Variants in RORC observed in about 807,000 individuals in gnomAD.
RORC encodes the protein RAR related orphan receptor C, also known as nuclear receptor ROR-gamma.
A neutral mutation model predicts 64.5 loss-of-function variants in RORC; 13 were observed. The ratio of observed to expected loss-of-function variants is 0.20; its 90% CI spans 0.13 to 0.32. The LOEUF is 0.32. Ranked by LOEUF, RORC falls within the 10% of genes least tolerant of loss-of-function variation. The pLI is 1.00. For missense variants in RORC, 468 were observed against 669.5 expected, an observed-to-expected ratio of 0.70 and a Z score of 3.32; for synonymous variants, 277 against 259.3, an observed-to-expected ratio of 1.07 and a Z score of -0.65.
intron 10 of RORC, among the ~76,000 whole-genome samples, chr1:151,809,333 G>T (rs1227191992): frequency 6.6e-6 from 1 of 152,144 alleles, no homozygotes; most frequent in Non-Finnish European, 1.5e-5. Context: ...GGTGGAGGTT[G>T]CAGTGAGCCG....
intron 2 of RORC, among the ~76,000 whole-genome samples, chr1:151,820,507 C>T (rs906613450): frequency 6.6e-6 from 1 of 152,138 alleles, no homozygotes; most frequent in East Asian, 1.9e-4. Context: ...TCAGGAACCT[C>T]GAACCAGCCC....
At chr1:151,809,746 G>A (rs570139918) in intron 10 of RORC, among the ~76,000 whole-genome samples, 43 of 152,300 alleles carry the variant, frequency 2.8e-4, no homozygotes, top group African/African-American at 1.0e-3. Flanking sequence ...AGCACAGACC[G>A]TGTAAGTCAT....
chr1:151,827,667 C>T (rs960761591), intron 2 of RORC, among the ~76,000 whole-genome samples: 2 of 152,190 alleles, frequency 1.3e-5, no homozygotes, highest in Non-Finnish European at 2.9e-5. Context: ...TGCTGGGACT[C>T]CAGACCCTCT....
intron 2 of RORC, among the ~76,000 whole-genome samples, chr1:151,827,957 C>A (rs1170674221): frequency 6.6e-6 from 1 of 151,956 alleles, no homozygotes; most frequent in Non-Finnish European, 1.5e-5. Flanking sequence ...CCGTGACCCC[C>A]CTCCCCCAGC....
chr1:151,814,224 G>C (rs1400155355), intron 6 of RORC: 2 of 227,970 alleles, frequency 8.8e-6, no homozygotes, highest in Non-Finnish European at 1.7e-5. Context: ...ACAATGCCTG[G>C]CAGAGAAGGG....
intron 2 of RORC, among the ~76,000 whole-genome samples, chr1:151,821,725 G>A (rs574288468): frequency 6.6e-6 from 1 of 152,250 alleles, no homozygotes; most frequent in East Asian, 1.9e-4. Flanking sequence ...AGGATAAGAC[G>A]CCCAAATGCA....
intron 8 of RORC, 33 bp downstream of exon 8, chr1:151,813,206 G>T (rs1343353314): frequency 6.3e-7 from 1 of 1,589,828 alleles, no homozygotes; most frequent in Non-Finnish European, 8.6e-7. Context: ...GTTGGCATCA[G>T]AATCTTCCCT....
At position 151,814,960 on chromosome 1, in the gene RORC, C is replaced by A. The variant is rs1651698157; in HGVS notation, c.764G>T (p.Ser255Ile). ...GQGPDSYGSP[S>I]FRSTPEAPYA... Reference sequence around the variant, plus strand: ...GGGTGCCTCCGGTGTGCTGCGGAAACTGGGGCTGCCGTAGCTGTCTGGGCC... The same window carrying A: ...GGGTGCCTCCGGTGTGCTGCGGAAAATGGGGCTGCCGTAGCTGTCTGGGCC... The change falls in exon 5 of 11, where the codon AGT becomes ATT. Residue 255 changes from serine (S) to isoleucine (I), a missense_variant. Transcript: ENST00000318247. The A allele has an allele frequency of 7.4e-6, 12 of 1,614,018 alleles. No individual in the cohort carries two copies. The highest frequency in any genetic ancestry group is 1.7e-5 in the Admixed American group (1 of 60,004).
At chr1:151,808,469 C>A (rs575842497) in intron 10 of RORC, among the ~76,000 whole-genome samples, 34 of 152,212 alleles carry the variant, frequency 2.2e-4, no homozygotes, top group South Asian at 1.0e-3. Context: ...TTGCCTCCCT[C>A]CCCCAGCTTA....
Position 151,830,911 on chromosome 1 carries a change from G to A in RORC, c.40+814C>T, listed in dbSNP as rs2101681089. The A allele has an allele frequency of 7.8e-7, 1 of 1,284,400 alleles. No homozygotes were observed. Among genetic ancestry groups the A allele is most frequent in the African/African-American group, 1.5e-5 (1 of 65,870 alleles). 79.6% of individuals were successfully genotyped at this position (1,284,400 alleles called of 1,614,324 possible). ...ACCTCAGAGCAGTCCTGTGGTGGGG[G>A]TGCTCCCCTTGCTCACCCAGGCAGC... On this transcript the variant is annotated intron_variant, in intron 1 of 10. Coordinates refer to ENST00000318247, the MANE Select transcript of RORC (RefSeq NM_005060.4). This position sits in a 1 kb window ranked among gnomAD's most constrained non-coding sequence, Gnocchi z 4.0.
intron 2 of RORC, among the ~76,000 whole-genome samples, chr1:151,823,644 G>A (rs1171145085): frequency 2.0e-5 from 3 of 152,054 alleles, no homozygotes; most frequent in Non-Finnish European, 4.4e-5. Context: ...CTTCATGTTT[G>A]TTTGTTTGTT....
intron 2 of RORC, among the ~76,000 whole-genome samples, chr1:151,821,682 A>G (rs1417488087): frequency 1.3e-5 from 2 of 152,308 alleles, no homozygotes; most frequent in Admixed American, 1.3e-4. Flanking sequence ...TTCTGCAGCC[A>G]GTGCCCTCAA....
chr1:151,814,434 G>T, intron 6 of RORC, 140 bp downstream of exon 6: 2 of 778,898 alleles, frequency 2.6e-6, no homozygotes, highest in East Asian at 2.7e-5. Context: ...GTACATAAAA[G>T]GTGTGCACAT....
intron 2 of RORC, among the ~76,000 whole-genome samples, chr1:151,822,002 G>A (rs1165120458): frequency 6.6e-6 from 1 of 152,082 alleles, no homozygotes; most frequent in Non-Finnish European, 1.5e-5. Flanking sequence ...GACTCCTCAG[G>A]AACACCACAG....
chr1:151,814,886 A>C, intron 5 of RORC, 27 bp downstream of exon 5: 5 of 1,601,006 alleles, frequency 3.1e-6, no homozygotes, highest in Non-Finnish European at 4.3e-6. Flanking sequence ...CATCTCTACC[A>C]CCCTCTCCAC....
At chr1:151,831,170 G>A (rs988372331) in intron 1 of RORC, 3 of 1,230,126 alleles carry the variant, frequency 2.4e-6, no homozygotes, top group East Asian at 5.7e-5. Flanking sequence ...GGTGAGTGGC[G>A]AGGAAAGGAC....
At chr1:151,829,706 GC>G (rs1572049344) in intron 1 of RORC, among the ~76,000 whole-genome samples, 1 of 152,118 alleles carries the variant, frequency 6.6e-6, no homozygotes, top group African/African-American at 2.4e-5. Context: ...CTGCTCCTTT[GC>G]CTAGAATGCC....
chr1:151,829,208 TCTTTACAGTGTTTC>T (rs1652313750), intron 2 of RORC, among the ~76,000 whole-genome samples: 1 of 151,902 alleles, frequency 6.6e-6, no homozygotes, highest in Non-Finnish European at 1.5e-5. Context: ...TCTCCTGGTT[TCTTTACAGTGTTTC>T]CTTTCATGCT....
intron 2 of RORC, among the ~76,000 whole-genome samples, chr1:151,824,394 C>T (rs1470935292): frequency 6.6e-6 from 1 of 152,204 alleles, no homozygotes; most frequent in Admixed American, 6.5e-5. Context: ...AGAAGCACAC[C>T]TAGTCATTTC....
Sources: gnomAD v4.1 joint callset for allele counts (sites outside exome capture counted in the v4.1 genomes callset) on GRCh38, gnomAD v4.1.1 for gene constraint, Gnocchi (gnomAD v3.1) non-coding constraint, MANE v1.5 for transcripts, NCBI Gene and HGNC (gene_info 2026-07-23, HGNC 2026-07-21) for gene names.